Variants in WDR44 observed in about 807,000 individuals in gnomAD.
WDR44 encodes the protein WD repeat-containing protein 44.
WDR44 carries 9 observed loss-of-function variants against 65.7 expected under a neutral mutation model. The observed-to-expected ratio is 0.14, with a 90% CI of 0.08 to 0.24. The LOEUF is 0.24. Ranked by LOEUF, WDR44 falls within the 10% of genes least tolerant of loss-of-function variation. The pLI is 1.00. For synonymous variants in WDR44, 220 were observed against 235.2 expected, an observed-to-expected ratio of 0.94 and a Z score of 0.59; for missense variants, 425 against 670.9, an observed-to-expected ratio of 0.63 and a Z score of 4.05.
chrX:118,416,730 G>A (rs1602948003), intron 12 of WDR44, among the ~76,000 whole-genome samples: 1 of 111,677 alleles, frequency 9.0e-6, no homozygotes, highest in Non-Finnish European at 1.9e-5. Context: ...GTTTAAATTC[G>A]TTGTTTCTTT....
At position 118,392,733 on chromosome X, in the gene WDR44, T is replaced by G; in HGVS notation, c.288T>G (p.Ser96Arg). The G allele has an allele frequency of 8.3e-7, 1 of 1,211,791 alleles. No homozygotes were observed. Among genetic ancestry groups the G allele is most frequent in the Non-Finnish European group, 1.1e-6 (1 of 895,420 alleles). ...AACTCTCTGATCAAGCTACTGCCAG[T>G]CCTATTGTGGCTAGAACAGATCTGA... Reference protein sequence around the residue: ...GKELSDQATASPIVARTDLSN... With the variant: ...GKELSDQATARPIVARTDLSN... The change falls in exon 4 of 20, where the codon AGT becomes AGG. Residue 96 changes from serine (S) to arginine (R), a missense_variant. Transcript: ENST00000254029.
rs983935201 is a variant in WDR44 at position 118,381,566 on chromosome X, G to C, written c.111+3114G>C. 6.2e-3 allele frequency among the ~76,000 whole-genome samples: 594 copies of C among 95,227 alleles called. 3 individuals are homozygous for C. The highest frequency in any genetic ancestry group is 0.024 in the African/African-American group (561 of 23,417). 82.7% of individuals were successfully genotyped at this position (95,227 alleles called of 115,157 possible). On this transcript the variant is annotated intron_variant, in intron 2 of 19. Transcript: ENST00000254029. ...CCTTGCTTTTCTTTTCTTTTCTTTC[G>C]TTCTTTCTTCTTTTTTTTTTTTTTT...
At chrX:118,400,181 A>G (rs950896980) in intron 8 of WDR44, among the ~76,000 whole-genome samples, 5 of 110,518 alleles carry the variant, frequency 4.5e-5, no homozygotes, top group Non-Finnish European at 9.5e-5. Flanking sequence ...CACAGAGAAC[A>G]TAATAGTATT....
chrX:118,365,575 C>T (rs1413991860), intron 1 of WDR44, among the ~76,000 whole-genome samples: 1 of 111,917 alleles, frequency 8.9e-6, no homozygotes, highest in Admixed American at 9.5e-5. Flanking sequence ...ACCTGTCTCT[C>T]TCAACTTTGT....
At chrX:118,411,073 T>A in intron 12 of WDR44, 114 bp downstream of exon 12, 1 of 598,422 alleles carries the variant, frequency 1.7e-6, no homozygotes, top group Non-Finnish European at 2.5e-6. Flanking sequence ...AATATAAAAT[T>A]AAGATGTATC....
chrX:118,425,084 C>G (rs1481919614), intron 12 of WDR44, among the ~76,000 whole-genome samples: 1 of 111,406 alleles, frequency 9.0e-6, no homozygotes, highest in Non-Finnish European at 1.9e-5. Context: ...CAGGTAGAGA[C>G]AGCAGCAAGT....
At chrX:118,349,570 T>C (rs1056253453) in intron 1 of WDR44, among the ~76,000 whole-genome samples, 1 of 109,235 alleles carries the variant, frequency 9.2e-6, no homozygotes, top group Non-Finnish European at 1.9e-5. Context: ...ATTTTTTTTT[T>C]TTTTTGAGAT....
At chrX:118,432,671 C>T (rs1001663900) in intron 12 of WDR44, 110 bp from the exon 13 acceptor site, 10 of 692,833 alleles carry the variant, frequency 1.4e-5, no homozygotes, top group Non-Finnish European at 2.2e-5. Flanking sequence ...TTTGGTGACT[C>T]AAGATTTCAA....
At chrX:118,387,639 A>G (rs889546505) in intron 3 of WDR44, among the ~76,000 whole-genome samples, 2 of 111,938 alleles carry the variant, frequency 1.8e-5, no homozygotes, top group African/African-American at 6.5e-5. Context: ...ATTTTGTAAA[A>G]TGCTTTTATT....
chrX:118,370,151 T>C (rs2056602033), intron 1 of WDR44, among the ~76,000 whole-genome samples: 1 of 112,172 alleles, frequency 8.9e-6, no homozygotes, highest in South Asian at 3.7e-4. Context: ...AATACACAAA[T>C]GAGATTGTGT....
At chrX:118,417,826 T>C (rs1395328157) in intron 12 of WDR44, among the ~76,000 whole-genome samples, 1 of 112,042 alleles carries the variant, frequency 8.9e-6, no homozygotes, top group African/African-American at 3.2e-5. Flanking sequence ...CAGTTATTCT[T>C]AGGTTTGGTG....
At chrX:118,351,425 CAA>C (rs1411576296) in intron 1 of WDR44, among the ~76,000 whole-genome samples, 1 of 111,894 alleles carries the variant, frequency 8.9e-6, no homozygotes, top group Non-Finnish European at 1.9e-5. Context: ...AAAATTGATA[CAA>C]GTTTTAATTT....
chrX:118,440,540 TC>T (rs776194415), intron 14 of WDR44, among the ~76,000 whole-genome samples: 1 of 111,391 alleles, frequency 9.0e-6, no homozygotes, highest in Non-Finnish European at 1.9e-5. Context: ...GTTACATGTA[TC>T]CCAGAGGAAG....
chrX:118,347,784 A>T (rs1401310814), intron 1 of WDR44, among the ~76,000 whole-genome samples: 1 of 112,627 alleles, frequency 8.9e-6, no homozygotes, highest in Non-Finnish European at 1.9e-5. Flanking sequence ...TAGATTTCAG[A>T]TGTTTGTCTT....
intron 12 of WDR44, among the ~76,000 whole-genome samples, chrX:118,431,215 T>C (rs927835405): frequency 8.9e-6 from 1 of 111,930 alleles, no homozygotes; most frequent in African/African-American, 3.2e-5. Flanking sequence ...TGGTGGTGGT[T>C]TTTTCCTTTC....
intron 1 of WDR44, among the ~76,000 whole-genome samples, chrX:118,371,198 C>T (rs889713789): frequency 1.1e-4 from 12 of 111,584 alleles, no homozygotes; most frequent in African/African-American, 3.9e-4. Flanking sequence ...ATAAACCAGG[C>T]ATAGGAAGAC....
At chrX:118,401,811 G>A (rs978467362) in intron 8 of WDR44, among the ~76,000 whole-genome samples, 2 of 103,331 alleles carry the variant, frequency 1.9e-5, no homozygotes, top group Non-Finnish European at 3.9e-5. Flanking sequence ...TAGGTCTAAC[G>A]TTTAAATCTT....
chrX:118,424,639 T>C (rs888532256), intron 12 of WDR44, among the ~76,000 whole-genome samples: 1 of 110,397 alleles, frequency 9.1e-6, no homozygotes, highest in Non-Finnish European at 1.9e-5. Flanking sequence ...TTTTCTCCCA[T>C]TCTGTAAGTT....
chrX:118,394,337 C>T, intron 5 of WDR44, 152 bp downstream of exon 5: 2 of 774,488 alleles, frequency 2.6e-6, no homozygotes, highest in Non-Finnish European at 3.5e-6. Flanking sequence ...CTGCTACATG[C>T]TAACTGGGTG....
Sources: allele counts gnomAD v4.1 joint callset (sites outside exome capture counted in the v4.1 genomes callset), GRCh38; gene constraint gnomAD v4.1.1; transcripts MANE v1.5; gene names NCBI Gene and HGNC (gene_info 2026-07-23, HGNC 2026-07-21).